The following PCDHGA3 variants were observed in gnomAD, a reference collection of about 807,000 sequenced individuals.
The protein encoded by PCDHGA3 is protocadherin gamma subfamily A, 3, also known as protocadherin gamma-A3.
In PCDHGA3, 40 loss-of-function variants were observed where a neutral mutation model predicts 58.5. The observed-to-expected ratio is 0.68, with a 90% confidence interval of 0.53 to 0.89. The LOEUF (loss-of-function observed/expected upper bound fraction) is 0.89. Among genes scored for constraint, PCDHGA3 ranks in the 40% least tolerant of loss-of-function variants. PCDHGA3 has a pLI of 0.00. For synonymous variants in PCDHGA3, 530 were observed against 525.7 expected (o/e 1.01, Z -0.11); for missense variants, 1,223 against 1,195.9 (o/e 1.02, Z -0.33).
At chr5:141,427,637 C>T (rs771573587) in intron 1 of PCDHGA3, 5 of 707,806 alleles carry the variant, frequency 7.1e-6, no homozygotes, top group Non-Finnish European at 1.3e-5. Context: ...CGGTTTTCCA[C>T]CAAGTCTCCT....
chr5:141,413,077 G>A (rs2095603422), intron 1 of PCDHGA3: 1 of 1,287,542 alleles, frequency 7.8e-7, no homozygotes, highest in African/African-American at 1.5e-5. Context: ...AAGTGCCCAG[G>A]CTACAGAGAC....
chr5:141,369,052 A>G (rs1386795265), intron 1 of PCDHGA3, among the ~76,000 whole-genome samples: 2 of 152,180 alleles, frequency 1.3e-5, no homozygotes. Flanking sequence ...ACAATACATT[A>G]TGTAGGCTAA....
At chr5:141,385,023 C>T in intron 1 of PCDHGA3, 1 of 1,614,170 alleles carries the variant, frequency 6.2e-7, no homozygotes, top group East Asian at 2.2e-5. Flanking sequence ...TAGCCTTCGT[C>T]CTCGTACTGC....
rs1768012358 is a variant in PCDHGA3 at position 141,371,760 on chromosome 5, T to G, written c.2424+25303T>G. ...CAACGTTCCCGTTTTCCACCAGGCC[T>G]CCTACACCGTGCATGTAGCTGAGAA... On this transcript the variant is annotated intron_variant, in intron 1 of 3. Coordinates refer to ENST00000253812, the MANE Select transcript of PCDHGA3 (RefSeq NM_018916.4). 3 of 1,613,860 alleles carry G rather than the reference T, an allele frequency of 1.9e-6. No individual in the cohort carries two copies. The South Asian group carries it at 3.3e-5, about 18-fold the overall frequency.
At chr5:141,501,755 G>C (rs2099810889) in intron 2 of PCDHGA3, among the ~76,000 whole-genome samples, 1 of 152,116 alleles carries the variant, frequency 6.6e-6, no homozygotes, top group Non-Finnish European at 1.5e-5. Context: ...GAAGCTCTCA[G>C]TAAATGGTTA....
intron 1 of PCDHGA3, among the ~76,000 whole-genome samples, chr5:141,381,978 C>T (rs1002371340): frequency 6.6e-6 from 1 of 151,452 alleles, no homozygotes; most frequent in Non-Finnish European, 1.5e-5. Flanking sequence ...TACAGGCGCG[C>T]GCCACCACGC....
chr5:141,347,507 G>A (rs1034183522), intron 1 of PCDHGA3, among the ~76,000 whole-genome samples: 7 of 152,070 alleles, frequency 4.6e-5, no homozygotes, highest in Non-Finnish European at 7.4e-5. Context: ...AAATGTAGAG[G>A]CTGGGTGCAG....
rs1011341002 is a variant in PCDHGA3, at chr5:141,476,141, G to T, written c.2425-18666G>T. 1 of 1,610,048 alleles carries T rather than the reference G, an allele frequency of 6.2e-7. No individual in the cohort carries two copies. The highest frequency in any genetic ancestry group is 2.2e-5 in the East Asian group (1 of 44,844). On this transcript the variant is annotated intron_variant, in intron 1 of 3. Coordinates refer to ENST00000253812, the MANE Select transcript of PCDHGA3 (RefSeq NM_018916.4). The surrounding 1 kb of genome is among the most constrained non-coding windows in gnomAD (Gnocchi z 7.6). ...GATGGTCCCAGAGGCCTGGAGGAGC[G>T]GACTGGTAAGCACCGGGAGGGTAGT...
At chr5:141,408,458 G>T (rs760881860) in intron 1 of PCDHGA3, 4 of 1,614,066 alleles carry the variant, frequency 2.5e-6, no homozygotes, top group South Asian at 2.2e-5. Flanking sequence ...GGACTTACTT[G>T]TGAAGAACCG....
intron 1 of PCDHGA3, chr5:141,361,103 A>G (rs1224359599): frequency 5.0e-6 from 8 of 1,613,902 alleles, no homozygotes; most frequent in Non-Finnish European, 6.8e-6. Context: ...GAAGCAAAAG[A>G]TCCTGGAGAT....
intron 1 of PCDHGA3, among the ~76,000 whole-genome samples, chr5:141,430,411 C>T (rs879587751): frequency 3.3e-5 from 5 of 150,942 alleles, no homozygotes; most frequent in African/African-American, 1.2e-4. Flanking sequence ...ACTAAAGTTT[C>T]TATTAAAGCG....
chr5:141,361,847 G>C (rs763425262), intron 1 of PCDHGA3: 9 of 1,612,662 alleles, frequency 5.6e-6, no homozygotes. Flanking sequence ...GGGCCTGATG[G>C]CTCCGCCCTC....
At chr5:141,427,187 C>T (rs1318380362) in intron 1 of PCDHGA3, 1 of 456,574 alleles carries the variant, frequency 2.2e-6, no homozygotes, top group Middle Eastern at 3.3e-4. Flanking sequence ...AAATTAAATC[C>T]AAAGACTTAA....
intron 1 of PCDHGA3, chr5:141,382,643 A>G (rs1179734699): frequency 2.5e-6 from 1 of 392,566 alleles, no homozygotes; most frequent in Non-Finnish European, 4.5e-6. Flanking sequence ...TGGTGCAGTA[A>G]CTTAGTAAGG....
chr5:141,453,869 G>A (rs887544235), intron 1 of PCDHGA3, among the ~76,000 whole-genome samples: 9 of 152,144 alleles, frequency 5.9e-5, no homozygotes, highest in Non-Finnish European at 1.2e-4. Context: ...TAACAGATGA[G>A]CAAAATAATG....
intron 1 of PCDHGA3, among the ~76,000 whole-genome samples, chr5:141,462,337 T>C (rs1053544147): frequency 6.6e-6 from 1 of 152,260 alleles, no homozygotes; most frequent in Non-Finnish European, 1.5e-5. Context: ...TTAATTGTAT[T>C]GTGATCCAAA....
intron 1 of PCDHGA3, chr5:141,400,341 C>A (rs754175136): frequency 6.2e-7 from 1 of 1,614,070 alleles, no homozygotes; most frequent in African/African-American, 1.3e-5. Flanking sequence ...TTCCCCCCAA[C>A]TACAGTCAGG....
At chr5:141,355,987 A>G (rs775400390) in intron 1 of PCDHGA3, 2 of 1,613,824 alleles carry the variant, frequency 1.2e-6, no homozygotes, top group Non-Finnish European at 1.7e-6. Context: ...TCGGCTACTC[A>G]CCGTAAAAGC....
At chr5:141,422,963 C>A (rs372620011) in intron 1 of PCDHGA3, 1 of 1,614,120 alleles carries the variant, frequency 6.2e-7, no homozygotes, top group Non-Finnish European at 8.5e-7. Flanking sequence ...GTGGAGCTGG[C>A]GCCCCGCTCT....
Sources: allele counts gnomAD v4.1 joint callset (sites outside exome capture counted in the v4.1 genomes callset), GRCh38; gene constraint gnomAD v4.1.1; non-coding constraint Gnocchi (gnomAD v3.1); transcripts MANE v1.5; gene names NCBI Gene and HGNC (gene_info 2026-07-23, HGNC 2026-07-21).